Variants in ADAMTSL1 observed in about 807,000 individuals in gnomAD.
ADAMTSL1 encodes the protein ADAMTS like 1.
In ADAMTSL1, 126 loss-of-function variants were observed where a neutral mutation model predicts 201.8. The observed-to-expected ratio is 0.62, with a 90% CI of 0.54 to 0.72. The LOEUF (loss-of-function observed/expected upper bound fraction) is 0.72, where lower values mean the gene tolerates loss of function less well. ADAMTSL1 is among the 30% of genes least tolerant of loss of function. The probability of loss-of-function intolerance (pLI) is 0.00; values close to 1 mark genes in which losing one functional copy is unlikely to be tolerated. For synonymous variants in ADAMTSL1, 1,121 were observed against 903.4 expected, an observed-to-expected ratio of 1.24 and a Z score of -4.32; for missense variants, 2,679 against 2,277.8, an observed-to-expected ratio of 1.18 and a Z score of -3.59.
In ADAMTSL1 at chr9:18,503,431, A is replaced by ATATATATATATATATATG. The variant is rs1326631282; in HGVS notation, c.64-1388_64-1387insTATATATGTATATATATA. ...ATAGTATTCCATTGTGTATATATAT[A>ATATATATATATATATATG]TATATATATACCACATTTTGTTTAC... On this transcript the variant is annotated intron_variant, in intron 1 of 28. Transcript: ENST00000380548. 2.7e-5 allele frequency among the ~76,000 whole-genome samples: 4 copies of ATATATATATATATATATG among 147,488 alleles called. No homozygotes were observed. In the East Asian group the frequency reaches 7.9e-4, roughly 29 times the overall value.
intron 1 of ADAMTSL1, among the ~76,000 whole-genome samples, chr9:18,059,918 C>A (rs185034428): frequency 3.1e-4 from 47 of 152,048 alleles, no homozygotes; most frequent in African/African-American, 1.1e-3. Context: ...AAGTCCTTAA[C>A]AAAGTTTTCT....
intron 3 of ADAMTSL1, among the ~76,000 whole-genome samples, chr9:18,545,328 A>C (rs1375175274): frequency 6.6e-6 from 1 of 152,174 alleles, no homozygotes; most frequent in Non-Finnish European, 1.5e-5. Flanking sequence ...TCAGGTTTGT[A>C]AATGCCGAAG....
intron 1 of ADAMTSL1, among the ~76,000 whole-genome samples, chr9:18,099,357 T>TATATATACATATATATATATATATA (rs58492343): frequency 1.7e-5 from 1 of 57,168 alleles, no homozygotes; most frequent in Non-Finnish European, 3.2e-5. Flanking sequence ...ATATATATAT[T>TATATATACATATATATATATATATA]TTTTTTTTTT....
chr9:18,657,973 CT>C (rs33924965), intron 8 of ADAMTSL1, among the ~76,000 whole-genome samples: 46,403 of 126,136 alleles, frequency 0.37, 7,098 homozygotes, highest in Middle Eastern at 0.47. Flanking sequence ...AGGAAACAGT[CT>C]TTTTTTTTTT....
At chr9:18,611,838 C>T (rs938591283) in intron 4 of ADAMTSL1, among the ~76,000 whole-genome samples, 1 of 152,208 alleles carries the variant, frequency 6.6e-6, no homozygotes, top group Non-Finnish European at 1.5e-5. Context: ...TATAATTTAA[C>T]CACAGAGGCT....
Position 18,771,705 on chromosome 9 carries a change from C to CTTTTTTTTT in ADAMTSL1, c.2397+944_2397+952dup, listed in dbSNP as rs374268861. Among the ~76,000 whole-genome samples, 11 of 91,756 alleles carry CTTTTTTTTT rather than the reference C, an allele frequency of 1.2e-4. 2 individuals are homozygous for CTTTTTTTTT. The highest frequency in any genetic ancestry group is 5.4e-4 in the South Asian group (1 of 1,862). 60.2% of individuals were successfully genotyped at this position (91,756 alleles called of 152,430 possible). On this transcript the variant is annotated intron_variant, in intron 17 of 28. Coordinates refer to ENST00000380548, the MANE Select transcript of ADAMTSL1 (RefSeq NM_001040272.6). ...GAATTTGCCTTCCTAACCCCAGTGC[C>CTTTTTTTTT]TTTTTTTTTTTTTTTTTTTTTTTTT...
intron 2 of ADAMTSL1, among the ~76,000 whole-genome samples, chr9:18,247,622 G>A (rs1248127330): frequency 6.6e-6 from 1 of 152,110 alleles, no homozygotes; most frequent in Non-Finnish European, 1.5e-5. Context: ...ATTGAATGCT[G>A]GTCTTAATCT....
At position 18,826,598 on chromosome 9, in the gene ADAMTSL1, A is replaced by G. The variant is rs1048657006; in HGVS notation, c.4114+135A>G. The G allele has an allele frequency of 7.4e-6, 8 of 1,077,766 alleles. No homozygotes were observed. In the South Asian group the frequency reaches 8.1e-5, roughly 11 times the overall value. The allele number at this position is 1,077,766 out of a possible 1,614,324, so 66.8% of individuals were successfully genotyped here. On this transcript the variant is annotated intron_variant, in intron 22 of 28. Transcript: ENST00000380548. ...ATTGATATCCCTTCACTTCTTCCCA[A>G]TTTAGGGCCTTTCGATAGAACACAA...
intron 7 of ADAMTSL1, among the ~76,000 whole-genome samples, chr9:18,640,585 T>C (rs1827377252): frequency 2.6e-5 from 4 of 152,056 alleles, no homozygotes; most frequent in African/African-American, 9.7e-5. Flanking sequence ...ACTGCTTGAA[T>C]AACCCATAGG....
At chr9:18,049,712 C>T (rs182972716) in intron 1 of ADAMTSL1, among the ~76,000 whole-genome samples, 144 of 152,250 alleles carry the variant, frequency 9.5e-4, no homozygotes, top group Non-Finnish European at 1.5e-3. Context: ...CAAGCCCCGC[C>T]TCCCGGGTTC....
intron 1 of ADAMTSL1, among the ~76,000 whole-genome samples, chr9:18,111,664 C>T (rs1825018039): frequency 6.6e-6 from 1 of 152,154 alleles, no homozygotes; most frequent in Admixed American, 6.5e-5. Flanking sequence ...ACAGAACTTA[C>T]ATCTTTTCTC....
At chr9:18,315,211 A>G (rs1162845195) in intron 2 of ADAMTSL1, among the ~76,000 whole-genome samples, 1 of 152,040 alleles carries the variant, frequency 6.6e-6, no homozygotes, top group African/African-American at 2.4e-5. Context: ...GCATTGACAA[A>G]TCTTGAGCTA....
At chr9:17,972,149 T>C (rs4997911) in intron 1 of ADAMTSL1, among the ~76,000 whole-genome samples, 122,013 of 150,654 alleles carry the variant, frequency 0.81, 49,790 homozygotes, top group East Asian at 0.93. Context: ...TCTTTTTCTT[T>C]TTTTTAAATT....
chr9:18,598,051 C>T (rs1482649855), intron 4 of ADAMTSL1, among the ~76,000 whole-genome samples: 2 of 152,098 alleles, frequency 1.3e-5, no homozygotes, highest in Non-Finnish European at 2.9e-5. Flanking sequence ...CAAGAGAACA[C>T]TTAAGATTCT....
At chr9:18,607,900 C>T (rs995380631) in intron 4 of ADAMTSL1, among the ~76,000 whole-genome samples, 1 of 152,172 alleles carries the variant, frequency 6.6e-6, no homozygotes, top group Non-Finnish European at 1.5e-5. Flanking sequence ...CTACAAAGGA[C>T]ATGAACTCAT....
chr9:18,285,300 C>T (rs901322938), intron 2 of ADAMTSL1, among the ~76,000 whole-genome samples: 9 of 152,072 alleles, frequency 5.9e-5, no homozygotes, highest in African/African-American at 2.2e-4. Context: ...ATGCTGAATA[C>T]TTTATATGTT....
At chr9:18,345,185 C>T (rs1009843230) in intron 2 of ADAMTSL1, among the ~76,000 whole-genome samples, 7 of 151,916 alleles carry the variant, frequency 4.6e-5, no homozygotes, top group African/African-American at 4.8e-5. Context: ...ATATTGGCCA[C>T]GGCCTAAATA....
chr9:18,533,243 T>A lies in ADAMTSL1; in HGVS notation c.192-4T>A. 1 of 1,605,726 alleles carries A rather than the reference T, an allele frequency of 6.2e-7. No individual in the cohort carries two copies. The highest frequency in any genetic ancestry group is 8.5e-7 in the Non-Finnish European group (1 of 1,176,292). On this transcript the variant is annotated splice_polypyrimidine_tract_variant and splice_region_variant and intron_variant, in intron 2 of 28. Transcript: ENST00000380548. ...AATATTTCTTTTTTCTTTTTGCAAC[T>A]TAGGAGCTGTGAAGGAAGAAATATC...
intron 2 of ADAMTSL1, among the ~76,000 whole-genome samples, chr9:18,209,211 A>T (rs1213610736): frequency 6.6e-6 from 1 of 152,148 alleles, no homozygotes; most frequent in African/African-American, 2.4e-5. Context: ...CAGTTGAAAA[A>T]AATGTTTGAG....
Sources: gnomAD v4.1 joint callset for allele counts (sites outside exome capture counted in the v4.1 genomes callset) on GRCh38, gnomAD v4.1.1 for gene constraint, MANE v1.5 for transcripts, NCBI Gene and HGNC (gene_info 2026-07-23, HGNC 2026-07-21) for gene names.